Variants in CDH13 observed in about 807,000 individuals in gnomAD.
CDH13 encodes cadherin 13, also known as cadherin-13.
Under a neutral mutation model 63.8 loss-of-function variants are expected in CDH13, and 24 were observed. That is an observed-to-expected ratio of 0.38 (90% CI 0.27 to 0.53). The LOEUF (loss-of-function observed/expected upper bound fraction) is 0.53. CDH13 is among the 20% of genes least tolerant of loss of function. The pLI, the probability that CDH13 is intolerant of heterozygous loss-of-function variation, is 0.85. For synonymous variants in CDH13, 503 were observed against 355.3 expected, an observed-to-expected ratio of 1.42 and a Z score of -4.67; for missense variants, 1,049 against 903.1, an observed-to-expected ratio of 1.16 and a Z score of -2.07.
At chr16:83,712,050 G>C (rs1189638399) in intron 10 of CDH13, among the ~76,000 whole-genome samples, 1 of 152,166 alleles carries the variant, frequency 6.6e-6, no homozygotes, top group Non-Finnish European at 1.5e-5. Context: ...CTCTCTGTCT[G>C]TCTGTGCCCT....
In CDH13 at chr16:82,767,232, A is replaced by G. The variant is rs1253027930; in HGVS notation, c.46-91130A>G. Among the ~76,000 whole-genome samples, 5 of 152,212 alleles carry G rather than the reference A, an allele frequency of 3.3e-5. No individual in the cohort carries two copies. The South Asian group carries it at 1.0e-3, about 32-fold the overall frequency. ...TCTAACAAATACACACATCTGTGTA[A>G]CCCAAAGCATTGCCAAAATGCAGAA... On this transcript the variant is annotated intron_variant, in intron 1 of 13. Transcript: ENST00000567109.
intron 5 of CDH13, among the ~76,000 whole-genome samples, chr16:83,305,580 G>A (rs913820429): frequency 2.6e-5 from 4 of 152,148 alleles, no homozygotes; most frequent in Non-Finnish European, 5.9e-5. Context: ...TTCCAAGTTG[G>A]CATCCCAGTT....
intron 5 of CDH13, among the ~76,000 whole-genome samples, chr16:83,324,078 C>T (rs2090303172): frequency 6.9e-6 from 1 of 144,968 alleles, no homozygotes; most frequent in Admixed American, 7.1e-5. Flanking sequence ...CACTCTGTTA[C>T]CCAAGCCGGA....
At chr16:83,527,949 T>A (rs2075000576) in intron 7 of CDH13, among the ~76,000 whole-genome samples, 1 of 152,228 alleles carries the variant, frequency 6.6e-6, no homozygotes, top group Non-Finnish European at 1.5e-5. Flanking sequence ...GAGGAAATAT[T>A]AGAGATCTTC....
chr16:82,661,419 G>A (rs1478295752), intron 1 of CDH13, among the ~76,000 whole-genome samples: 2 of 152,204 alleles, frequency 1.3e-5, no homozygotes, highest in Admixed American at 6.5e-5. Flanking sequence ...TAGTACGCAC[G>A]ATATTAATGA....
chr16:82,983,517 C>G (rs901527185), intron 2 of CDH13, among the ~76,000 whole-genome samples: 2 of 152,070 alleles, frequency 1.3e-5, no homozygotes, highest in African/African-American at 4.8e-5. Flanking sequence ...TTACAACTGC[C>G]AGTAAGGGAG....
In CDH13 at chr16:83,046,152, A is replaced by G. The variant is rs181154303; in HGVS notation, c.366+13934A>G. 1.9e-3 allele frequency among the ~76,000 whole-genome samples: 286 copies of G among 152,328 alleles called. 1 individual carries two copies. Among genetic ancestry groups the G allele is most frequent in the Middle Eastern group, 0.017 (5 of 294 alleles). ...TTTTTTGATGGCTTCTAATAAATAA[A>G]TAGAAACCTCTTTTCCTCTGGTCCA... On this transcript the variant is annotated intron_variant, in intron 3 of 13. Transcript: ENST00000567109.
intron 6 of CDH13, among the ~76,000 whole-genome samples, chr16:83,380,036 A>G (rs1294731596): frequency 1.3e-5 from 2 of 151,606 alleles, no homozygotes; most frequent in South Asian, 2.1e-4. Flanking sequence ...CAATTAATAA[A>G]CATATACATA....
chr16:82,736,725 C>G (rs945677058), intron 1 of CDH13, among the ~76,000 whole-genome samples: 2 of 152,176 alleles, frequency 1.3e-5, no homozygotes, highest in African/African-American at 4.8e-5. Context: ...TACACAGTCA[C>G]TCTCTCCACC....
intron 1 of CDH13, among the ~76,000 whole-genome samples, chr16:82,818,407 A>G (rs1048499829): frequency 6.6e-6 from 1 of 152,226 alleles, no homozygotes; most frequent in Non-Finnish European, 1.5e-5. Context: ...ACAAGAAAGA[A>G]GGAACCCTAA....
At chr16:82,839,899 G>A (rs1458207319) in intron 1 of CDH13, among the ~76,000 whole-genome samples, 1 of 152,214 alleles carries the variant, frequency 6.6e-6, no homozygotes, top group Non-Finnish European at 1.5e-5. Flanking sequence ...TGAAAGAGCA[G>A]TAGGATTAGC....
At chr16:82,744,450 A>G (rs1264398935) in intron 1 of CDH13, among the ~76,000 whole-genome samples, 1 of 152,012 alleles carries the variant, frequency 6.6e-6, no homozygotes, top group Non-Finnish European at 1.5e-5. Flanking sequence ...ATTTTTTTGA[A>G]AACCAGGAGA....
intron 6 of CDH13, among the ~76,000 whole-genome samples, chr16:83,481,312 C>G (rs149667793): frequency 6.6e-6 from 1 of 152,236 alleles, no homozygotes; most frequent in African/African-American, 2.4e-5. Flanking sequence ...TTTGATCAGG[C>G]AAAGGAAATG....
intron 3 of CDH13, among the ~76,000 whole-genome samples, chr16:83,044,431 G>A (rs1387115123): frequency 6.6e-6 from 1 of 152,166 alleles, no homozygotes; most frequent in Non-Finnish European, 1.5e-5. Flanking sequence ...TTTTAGGAAG[G>A]TGGGCAAGCC....
chr16:83,479,996 C>A (rs2073719763), intron 6 of CDH13, among the ~76,000 whole-genome samples: 1 of 152,102 alleles, frequency 6.6e-6, no homozygotes, highest in African/African-American at 2.4e-5. Context: ...CACTCAATGC[C>A]TCCAACAACC....
chr16:82,844,056 C>T lies in CDH13; in HGVS notation c.46-14306C>T, dbSNP rs573048380. The stretch of plus-strand genomic sequence containing the variant: ...GCTGTGGTAGGCTGAGTAATGGTCC[C>T]GTAATAAGTCTACATCCTCATTTTC... On this transcript the variant is annotated intron_variant, in intron 1 of 13. Coordinates refer to ENST00000567109, the MANE Select transcript of CDH13 (RefSeq NM_001257.5). Among the ~76,000 whole-genome samples, 32 of 152,240 alleles carry T rather than the reference C, an allele frequency of 2.1e-4. No individual in the cohort carries two copies. The South Asian group carries it at 4.2e-3, about 20-fold the overall frequency.
At chr16:83,244,669 T>C (rs1904806784) in intron 5 of CDH13, among the ~76,000 whole-genome samples, 1 of 152,154 alleles carries the variant, frequency 6.6e-6, no homozygotes, top group Non-Finnish European at 1.5e-5. Context: ...TGCTAAGGTT[T>C]GTTACAGTGA....
intron 1 of CDH13, among the ~76,000 whole-genome samples, chr16:82,854,946 T>G (rs2151159922): frequency 6.6e-6 from 1 of 152,294 alleles, no homozygotes; most frequent in African/African-American, 2.4e-5. Flanking sequence ...CCTCACTGAA[T>G]CCCAGGAGTC....
In CDH13 at chr16:83,546,404, T is replaced by G. The variant is rs886289980; in HGVS notation, c.961-56050T>G. ...AAATTTTATTTTCGGTTGTACCTGT[T>G]ATGCATTTGTTAGCCATACTACTGG... On this transcript the variant is annotated intron_variant, in intron 7 of 13. Transcript: ENST00000567109. Among the ~76,000 whole-genome samples, 2 of 151,862 alleles carry G rather than the reference T, an allele frequency of 1.3e-5. 1 individual carries two copies. The highest frequency in any genetic ancestry group is 2.9e-5 in the Non-Finnish European group (2 of 67,980).
Sources: gnomAD v4.1 joint callset for allele counts (sites outside exome capture counted in the v4.1 genomes callset) on GRCh38, gnomAD v4.1.1 for gene constraint, MANE v1.5 for transcripts, NCBI Gene and HGNC (gene_info 2026-07-23, HGNC 2026-07-21) for gene names.